ABCA9: variants seen among roughly 807,000 people sequenced by gnomAD.
ABCA9 encodes ATP-binding cassette sub-family A member 9.
A neutral mutation model predicts 205.3 loss-of-function variants in ABCA9; 183 were observed. The observed-to-expected ratio is 0.89, with a 90% CI of 0.79 to 1.01. The LOEUF (loss-of-function observed/expected upper bound fraction) is 1.01, where lower values mean the gene tolerates loss of function less well. ABCA9 is among the 50% of genes least tolerant of loss of function. The pLI, the probability that ABCA9 is intolerant of heterozygous loss-of-function variation, is 0.00. For synonymous variants in ABCA9, 651 were observed against 683.3 expected (o/e 0.95, Z 0.74); for missense variants, 1,805 against 1,912.4 (o/e 0.94, Z 1.05).
intron 28 of ABCA9, among the ~76,000 whole-genome samples, chr17:68,991,622 A>C (rs1384992535): frequency 1.3e-5 from 2 of 152,178 alleles, no homozygotes; most frequent in Admixed American, 1.3e-4. Flanking sequence ...CACAAACATT[A>C]GACTTAAGCT....
chr17:69,065,220 G>C (rs972010675), upstream of ABCA9, among the ~76,000 whole-genome samples: 1 of 152,100 alleles, frequency 6.6e-6, no homozygotes. Context: ...TTAAGTTCTG[G>C]GAAAATTTTA....
At chr17:69,005,698 C>T (rs928744128) in intron 25 of ABCA9, among the ~76,000 whole-genome samples, 1 of 152,164 alleles carries the variant, frequency 6.6e-6, no homozygotes, top group Non-Finnish European at 1.5e-5. Context: ...GTCTACATAC[C>T]TAATCAAATA....
intron 1 of ABCA9, among the ~76,000 whole-genome samples, chr17:69,058,715 C>T (rs754587405): frequency 5.9e-5 from 9 of 151,630 alleles, no homozygotes; most frequent in Non-Finnish European, 1.2e-4. Context: ...GGCGAGTGCC[C>T]GTAATCCCAG....
the ABCA9 span, among the ~76,000 whole-genome samples, chr17:69,072,565 C>T: frequency 2.6e-5 from 4 of 151,744 alleles, no homozygotes; most frequent in Non-Finnish European, 4.4e-5. Flanking sequence ...TTGTCACCAC[C>T]AGGCCTGCCT....
upstream of ABCA9, among the ~76,000 whole-genome samples, chr17:69,061,458 T>C (rs968328227): frequency 5.9e-5 from 9 of 152,192 alleles, no homozygotes; most frequent in Non-Finnish European, 1.2e-4. Flanking sequence ...CAATGTAATT[T>C]TCTTCAGGGT....
chr17:69,026,933 C>T, intron 15 of ABCA9, 43 bp downstream of exon 15: 3 of 1,606,020 alleles, frequency 1.9e-6, no homozygotes, highest in Non-Finnish European at 1.7e-6. Context: ...TCCACACTGT[C>T]TCTAACCTCT....
intron 6 of ABCA9, among the ~76,000 whole-genome samples, chr17:69,040,510 C>T (rs1287583930): frequency 6.6e-6 from 1 of 152,162 alleles, no homozygotes; most frequent in Admixed American, 6.5e-5. Flanking sequence ...ACAATGAGAA[C>T]ATATGGGCAC....
chr17:68,983,777 G>C lies in ABCA9; in HGVS notation c.4572C>G (p.Asn1524Lys), dbSNP rs888479061. 1 of 1,614,198 alleles carries C rather than the reference G, an allele frequency of 6.2e-7. No individual in the cohort carries two copies. Among genetic ancestry groups the C allele is most frequent in the Admixed American group, 1.7e-5 (1 of 60,016 alleles). Reference protein sequence around the residue: ...KDYLLEMKLKNLAQMEPLHAE... With the variant: ...KDYLLEMKLKKLAQMEPLHAE... ...CATGGAGGGGCTCCATTTGTGCCAG[G>C]TTCTTCAGCTTCATCTCCAGCAGGT... Residue 1524 changes from asparagine to lysine, a missense_variant, in exon 36 of 39, where the codon AAC (asparagine) becomes AAG (lysine). Coordinates refer to ENST00000340001, the MANE Select transcript of ABCA9 (RefSeq NM_080283.4).
At chr17:69,027,528 AGGGCC>A in intron 13 of ABCA9, 79 bp from the exon 14 acceptor site, 1 of 1,563,794 alleles carries the variant, frequency 6.4e-7, no homozygotes, top group Non-Finnish European at 8.6e-7. Flanking sequence ...TTCTTTACAA[AGGGCC>A]TTTTTGCCTG....
chr17:69,027,175 C>A, intron 14 of ABCA9, 61 bp from the exon 15 acceptor site: 1 of 1,588,634 alleles, frequency 6.3e-7, no homozygotes. Context: ...TTTTAAAAAG[C>A]ACTGTACTTT....
intron 37 of ABCA9, among the ~76,000 whole-genome samples, chr17:68,980,938 A>G (rs1048335796): frequency 6.6e-6 from 1 of 152,088 alleles, no homozygotes; most frequent in African/African-American, 2.4e-5. Context: ...TAAAAAAAAA[A>G]AAAAGGAAGG....
intron 25 of ABCA9, among the ~76,000 whole-genome samples, chr17:69,002,690 T>C (rs1237312050): frequency 2.0e-5 from 3 of 149,046 alleles, no homozygotes; most frequent in Admixed American, 2.0e-4. Flanking sequence ...TTCTGTCTCG[T>C]TGATCTGTCT....
intron 27 of ABCA9, 117 bp downstream of exon 27, chr17:68,992,899 T>G (rs2069502049): frequency 1.4e-6 from 1 of 730,560 alleles, no homozygotes. Flanking sequence ...ATGTGTGTGT[T>G]GCTTCAAATG....
chr17:68,990,182 A>T (rs1261098437), intron 29 of ABCA9, among the ~76,000 whole-genome samples: 2 of 152,224 alleles, frequency 1.3e-5, no homozygotes, highest in East Asian at 3.8e-4. Flanking sequence ...AGATTTGATA[A>T]GACACACACT....
At chr17:69,047,806 T>C (rs2071768985) in intron 3 of ABCA9, among the ~76,000 whole-genome samples, 1 of 152,180 alleles carries the variant, frequency 6.6e-6, no homozygotes, top group South Asian at 2.1e-4. Flanking sequence ...ATCCTGCAAA[T>C]TTCACGCCAC....
the ABCA9 span, among the ~76,000 whole-genome samples, chr17:69,068,426 T>C: frequency 1.8e-4 from 27 of 152,260 alleles, no homozygotes; most frequent in Middle Eastern, 3.4e-3. Flanking sequence ...CTAATGTGAA[T>C]GCTCCTTCAA....
intron 23 of ABCA9, 74 bp from the exon 24 acceptor site, chr17:69,008,309 T>G: frequency 1.5e-6 from 2 of 1,373,894 alleles, no homozygotes; most frequent in Non-Finnish European, 2.0e-6. Context: ...TATACAGTCA[T>G]GAAAGCATTC....
Position 69,049,296 on chromosome 17 carries a change from G to A in ABCA9, c.291C>T (p.Ala97=), listed in dbSNP as rs764020050. The A allele has an allele frequency of 1.9e-6, 3 of 1,612,120 alleles. No individual in the cohort carries two copies. Among genetic ancestry groups the A allele is most frequent in the African/African-American group, 1.3e-5 (1 of 74,832 alleles). ...TQEIMNKVAS[A]PFLKGRTIMG... ...CAGGGAACATACCTTTTAGGAATGG[G>A]GCTGAAGCCACTTTGTTCATTATCT... is the stretch of plus-strand genomic sequence containing the variant. Residue 97 remains alanine (A), a synonymous_variant, in exon 3 of 39, where the codon GCC becomes GCT. Transcript: ENST00000340001.
In ABCA9 at chr17:69,051,822, T is replaced by C. The variant is rs564481849; in HGVS notation, c.-13-683A>G. The stretch of plus-strand genomic sequence containing the variant: ...GCATTAGGTCAAAATATCATTGATA[T>C]CAATTCACATTACATGTGATACACA... On this transcript the variant is annotated intron_variant, in intron 1 of 38. Coordinates refer to ENST00000340001, the MANE Select transcript of ABCA9 (RefSeq NM_080283.4). 10 of 152,298 alleles carry C rather than the reference T, an allele frequency of 6.6e-5. No homozygotes were observed. The South Asian group carries it at 1.5e-3, about 22-fold the overall frequency. The allele number at this position is 152,298 out of a possible 1,614,324, so 9.4% of individuals were successfully genotyped here.
Sources: allele counts gnomAD v4.1 joint callset (sites outside exome capture counted in the v4.1 genomes callset), GRCh38; gene constraint gnomAD v4.1.1; transcripts MANE v1.5; gene names NCBI Gene and HGNC (gene_info 2026-07-23, HGNC 2026-07-21).